Variants in OR2A5 observed in about 807,000 individuals in gnomAD.
The protein encoded by OR2A5 is olfactory receptor family 2 subfamily A member 5, also known as olfactory receptor 2A5.
Under a neutral mutation model 1.9 loss-of-function variants are expected in OR2A5, and 2 were observed. That is an observed-to-expected ratio of 1.04 (90% confidence interval 0.43 to 3.28). The LOEUF (loss-of-function observed/expected upper bound fraction) is 3.28. Among genes scored for constraint, OR2A5 ranks in the 30% most tolerant of loss-of-function variants. The pLI is 0.08. For synonymous variants in OR2A5, 160 were observed against 154.5 expected, an observed-to-expected ratio of 1.04 and a Z score of -0.26; for missense variants, 391 against 375.9, an observed-to-expected ratio of 1.04 and a Z score of -0.33.
rs1052172010 is a variant in OR2A5 at position 144,052,722 on chromosome 7, T to G, written c.*1385T>G. Reference sequence around the variant, plus strand: ...TCTGGTGATGGTCTTTGTTTTCATATCTCCATACTGTGAGGACATTTTTTG... The same window carrying G: ...TCTGGTGATGGTCTTTGTTTTCATAGCTCCATACTGTGAGGACATTTTTTG... On this transcript the variant is annotated 3_prime_UTR_variant, in exon 2 of 2. Coordinates refer to ENST00000641693, the MANE Select transcript of OR2A5 (RefSeq NM_012365.2). 3 of 152,090 alleles carry G rather than the reference T, an allele frequency of 2.0e-5. No homozygotes were observed. Among genetic ancestry groups the G allele is most frequent in the African/African-American group, 7.2e-5 (3 of 41,420 alleles). The allele number at this position is 152,090 out of a possible 1,614,324, so 9.4% of individuals were successfully genotyped here. A position where few individuals can be genotyped will look rare whatever the true frequency, so the allele number is the denominator to read the frequency against.
In OR2A5 at chr7:144,052,950, T is replaced by G. The variant is rs1390094072; in HGVS notation, c.*1613T>G. On this transcript the variant is annotated 3_prime_UTR_variant, in exon 2 of 2. Coordinates refer to ENST00000641693, the MANE Select transcript of OR2A5 (RefSeq NM_012365.2). The stretch of plus-strand genomic sequence containing the variant: ...ATCTGAAAAAAATTATTACATTCCC[T>G]AAAATATGTATACTTCATGTTCTGC... The G allele has an allele frequency of 1.3e-5, 2 of 152,150 alleles. No homozygotes were observed. The highest frequency in any genetic ancestry group is 2.9e-5 in the Non-Finnish European group (2 of 68,014). The allele number at this position is 152,150 out of a possible 1,614,324, so 9.4% of individuals were successfully genotyped here. A position where few individuals can be genotyped will look rare whatever the true frequency, so the allele number is the denominator to read the frequency against.
rs559943780 is a variant in OR2A5, at chr7:144,051,881, T to C, written c.*544T>C. 6.5e-6 allele frequency: 1 copy of C among 152,690 alleles called. No individual in the cohort carries two copies. Among genetic ancestry groups the C allele is most frequent in the South Asian group, 2.1e-4 (1 of 4,834 alleles). 9.5% of individuals were successfully genotyped at this position (152,690 alleles called of 1,614,324 possible). On this transcript the variant is annotated 3_prime_UTR_variant, in exon 2 of 2. Coordinates refer to ENST00000641693, the MANE Select transcript of OR2A5 (RefSeq NM_012365.2). ...AATCACCCTAACAAATCTAATTCTG[T>C]AAAAAGCAAAGTTTAATTGTATAGA...
In OR2A5 at chr7:144,050,454, T is replaced by A; in HGVS notation, c.53T>A (p.Leu18His). Residue 18 changes from leucine (L) to histidine (H), a missense_variant, in exon 2 of 2, where the codon CTC becomes CAC. By Grantham distance (99) the Leu-to-His change is moderately conservative. Coordinates refer to ENST00000641693, the MANE Select transcript of OR2A5 (RefSeq NM_012365.2). ...GAATTCATTCTCCTGGGATTTCCACTCAGCCTAAGGATTCAGATGCTCCTC... is the reference window on the plus strand; with the variant it reads ...GAATTCATTCTCCTGGGATTTCCACACAGCCTAAGGATTCAGATGCTCCTC... ...VTEFILLGFP[L>H]SLRIQMLLSG... 6.4e-7 allele frequency: 1 copy of A among 1,552,724 alleles called. No individual in the cohort carries two copies. Among genetic ancestry groups the A allele is most frequent in the Non-Finnish European group, 8.7e-7 (1 of 1,155,854 alleles).
Position 144,051,166 on chromosome 7 carries a change from C to A in OR2A5, c.765C>A (p.Ala255=). ...TGGTGGGACTCTTCTTTGGCAGCGCCATTGTCATGTACATGGCCCCCAAGT... is the reference window on the plus strand; with the variant it reads ...TGGTGGGACTCTTCTTTGGCAGCGCAATTGTCATGTACATGGCCCCCAAGT... ...LCMVGLFFGS[A]IVMYMAPKSR... is the part of the protein sequence containing the mutation. The change falls in exon 2 of 2, where the codon GCC becomes GCA. Residue 255 remains alanine (A), a synonymous_variant. Coordinates refer to ENST00000641693, the MANE Select transcript of OR2A5 (RefSeq NM_012365.2). The A allele has an allele frequency of 3.1e-6, 5 of 1,614,218 alleles. No homozygotes were observed. Among genetic ancestry groups the A allele is most frequent in the Non-Finnish European group, 4.2e-6 (5 of 1,180,042 alleles).
rs2951367 is a variant in OR2A5 at position 144,056,255 on chromosome 7, G to A, written c.*4918G>A. The A allele has an allele frequency of 0.63, 95,514 of 152,260 alleles. 31,185 individuals carry two copies. Among genetic ancestry groups the A allele is most frequent in the African/African-American group, 0.81 (33,568 of 41,528 alleles). The allele number at this position is 152,260 out of a possible 1,614,324, so 9.4% of individuals were successfully genotyped here. A position where few individuals can be genotyped will look rare whatever the true frequency, so the allele number is the denominator to read the frequency against. ...TGAAGACCAAAAAATGTACTGTGCT[G>A]TACTGCTTCCCTATGTAGCTAGCTG... On this transcript the variant is annotated 3_prime_UTR_variant, in exon 2 of 2. Transcript: ENST00000641693.
At chr7:144,049,343 G>A (rs904730833) in intron 1 of OR2A5, among the ~76,000 whole-genome samples, 1 of 152,216 alleles carries the variant, frequency 6.6e-6, no homozygotes, top group African/African-American at 2.4e-5. Context: ...TAACATTTGT[G>A]TACTTCTATG....
In OR2A5 at chr7:144,050,427, C is replaced by T; in HGVS notation, c.26C>T (p.Thr9Ile). The T allele has an allele frequency of 1.3e-6, 2 of 1,541,194 alleles. No homozygotes were observed. The highest frequency in any genetic ancestry group is 2.1e-5 in the Admixed American group (1 of 46,858). The change falls in exon 2 of 2, where the codon ACA (threonine) becomes ATA (isoleucine). Residue 9 changes from threonine to isoleucine, a missense_variant. Physicochemically the swap from Thr to Ile is moderately conservative, Grantham distance 89. Coordinates refer to ENST00000641693, the MANE Select transcript of OR2A5 (RefSeq NM_012365.2). ...ATGACAAAAAATCAGACATGGGTCA[C>T]AGAATTCATTCTCCTGGGATTTCCA... is the stretch of plus-strand genomic sequence containing the variant. Reference protein sequence around the residue: MTKNQTWVTEFILLGFPLS... With the variant: MTKNQTWVIEFILLGFPLS...
In OR2A5 at chr7:144,051,060, G is replaced by T. The variant is rs749106253; in HGVS notation, c.659G>T (p.Arg220Leu). ...PLCLVLVSYS[R>L]ILAAILRIQS... ...TGCCTGGTGCTGGTCTCCTACTCGC[G>T]CATCCTGGCGGCCATCTTGAGGATC... The change falls in exon 2 of 2, where the codon CGC (arginine) becomes CTC (leucine). Residue 220 changes from arginine (R) to leucine (L), a missense_variant. Transcript: ENST00000641693. 3 of 1,614,118 alleles carry T rather than the reference G, an allele frequency of 1.9e-6. No individual in the cohort carries two copies. Among genetic ancestry groups the T allele is most frequent in the South Asian group, 2.2e-5 (2 of 91,078 alleles).
At position 144,052,200 on chromosome 7, in the gene OR2A5, C is replaced by A. The variant is rs2050911978; in HGVS notation, c.*863C>A. ...AACATCATAGACCACCGCTTAGAAC[C>A]AAGAACATGTCAAGTCTTGATAAAG... is the stretch of plus-strand genomic sequence containing the variant. On this transcript the variant is annotated 3_prime_UTR_variant, in exon 2 of 2. Transcript: ENST00000641693. 1 of 152,208 alleles carries A rather than the reference C, an allele frequency of 6.6e-6. No individual in the cohort carries two copies. The highest frequency in any genetic ancestry group is 1.9e-4 in the East Asian group (1 of 5,176). 9.4% of individuals were successfully genotyped at this position (152,208 alleles called of 1,614,324 possible).
rs1223891278 is a variant in OR2A5 at position 144,050,379 on chromosome 7, A to G, written c.-23A>G. On this transcript the variant is annotated 5_prime_UTR_variant, in exon 2 of 2. Coordinates refer to ENST00000641693, the MANE Select transcript of OR2A5 (RefSeq NM_012365.2). ...ATAGCTCATTGCCACAGCAGAGTCC[A>G]ACGCAGGTACTGTCACAAGGGCATG... is the stretch of plus-strand genomic sequence containing the variant. The G allele has an allele frequency of 6.8e-7, 1 of 1,472,100 alleles. No homozygotes were observed. The highest frequency in any genetic ancestry group is 1.3e-5 in the South Asian group (1 of 74,262). 91.2% of individuals were successfully genotyped at this position (1,472,100 alleles called of 1,614,324 possible). A position where few individuals can be genotyped will look rare whatever the true frequency, so the allele number is the denominator to read the frequency against.
In OR2A5 at chr7:144,051,588, G is replaced by A. The variant is rs994396775; in HGVS notation, c.*251G>A. 2 of 427,178 alleles carry A rather than the reference G, an allele frequency of 4.7e-6. No homozygotes were observed. The highest frequency in any genetic ancestry group is 9.0e-5 in the South Asian group (2 of 22,166). The allele number at this position is 427,178 out of a possible 1,614,324, so 26.5% of individuals were successfully genotyped here. A position where few individuals can be genotyped will look rare whatever the true frequency, so the allele number is the denominator to read the frequency against. On this transcript the variant is annotated 3_prime_UTR_variant, in exon 2 of 2. Coordinates refer to ENST00000641693, the MANE Select transcript of OR2A5 (RefSeq NM_012365.2). ...ACTCCCAGGTCCCACCCCTACCCAG[G>A]ATCTGCTTTCTGTTCTTTTGAGGCT... is the stretch of plus-strand genomic sequence containing the variant.
At position 144,054,902 on chromosome 7, in the gene OR2A5, C is replaced by T. The variant is rs1483259708; in HGVS notation, c.*3565C>T. 1 of 152,146 alleles carries T rather than the reference C, an allele frequency of 6.6e-6. No homozygotes were observed. The highest frequency in any genetic ancestry group is 1.9e-4 in the East Asian group (1 of 5,196). 9.4% of individuals were successfully genotyped at this position (152,146 alleles called of 1,614,324 possible). A position where few individuals can be genotyped will look rare whatever the true frequency, so the allele number is the denominator to read the frequency against. On this transcript the variant is annotated 3_prime_UTR_variant, in exon 2 of 2. Coordinates refer to ENST00000641693, the MANE Select transcript of OR2A5 (RefSeq NM_012365.2). Reference sequence around the variant, plus strand: ...CAGTCTCTGTATGTAGAGATAGAAACTCACCCTGGTGACACCTTGTTAGTT... The same window carrying T: ...CAGTCTCTGTATGTAGAGATAGAAATTCACCCTGGTGACACCTTGTTAGTT...
At position 144,053,787 on chromosome 7, in the gene OR2A5, A is replaced by G. The variant is rs981856808; in HGVS notation, c.*2450A>G. On this transcript the variant is annotated 3_prime_UTR_variant, in exon 2 of 2. Coordinates refer to ENST00000641693, the MANE Select transcript of OR2A5 (RefSeq NM_012365.2). ...CCAGAAAGAATACATCCTGTAGCCA[A>G]CCCATCTTTGGAGGATTCATTACCA... The G allele has an allele frequency of 3.9e-5, 6 of 152,254 alleles. No individual in the cohort carries two copies. The highest frequency in any genetic ancestry group is 3.9e-4 in the Admixed American group (6 of 15,288). 9.4% of individuals were successfully genotyped at this position (152,254 alleles called of 1,614,324 possible). A position where few individuals can be genotyped will look rare whatever the true frequency, so the allele number is the denominator to read the frequency against.
At position 144,058,138 on chromosome 7, in the gene OR2A5, A is replaced by T. The variant is rs1264971781; in HGVS notation, c.*6801A>T. ...CAGATACAAGGCTGTTGTCCTAGTGATTACAGCCACATGAGTCACTGGTCA... is the reference window on the plus strand; with the variant it reads ...CAGATACAAGGCTGTTGTCCTAGTGTTTACAGCCACATGAGTCACTGGTCA... On this transcript the variant is annotated 3_prime_UTR_variant, in exon 2 of 2. Coordinates refer to ENST00000641693, the MANE Select transcript of OR2A5 (RefSeq NM_012365.2). 2 of 152,210 alleles carry T rather than the reference A, an allele frequency of 1.3e-5. No homozygotes were observed. The highest frequency in any genetic ancestry group is 2.4e-5 in the African/African-American group (1 of 41,448). The allele number at this position is 152,210 out of a possible 1,614,324, so 9.4% of individuals were successfully genotyped here. A position where few individuals can be genotyped will look rare whatever the true frequency, so the allele number is the denominator to read the frequency against.
Position 144,050,616 on chromosome 7 carries a change from A to C in OR2A5, c.215A>C (p.Tyr72Ser). 2 of 1,612,972 alleles carry C rather than the reference A, an allele frequency of 1.2e-6. No individual in the cohort carries two copies. The highest frequency in any genetic ancestry group is 3.3e-5 in the Admixed American group (2 of 59,988). The change falls in exon 2 of 2, where the codon TAT becomes TCT. Residue 72 changes from tyrosine (Y) to serine (S), a missense_variant. Transcript: ENST00000641693. ...CACCTGGCCATCATTGATATTTCGT[A>C]TGCTTCCAACAATGTCCCCAAGATG... ...LSHLAIIDISYASNNVPKMLT... is the reference protein window; with the variant it reads ...LSHLAIIDISSASNNVPKMLT...
chr7:144,053,639 T>A lies in OR2A5; in HGVS notation c.*2302T>A, dbSNP rs2128797584. On this transcript the variant is annotated 3_prime_UTR_variant, in exon 2 of 2. Transcript: ENST00000641693. The stretch of plus-strand genomic sequence containing the variant: ...CTGATTGCAAACCCAAGCTGCTTCT[T>A]AGCAGCTTTCTGCCCAAAACATTAC... 6.6e-6 allele frequency: 1 copy of A among 152,340 alleles called. No homozygotes were observed. Among genetic ancestry groups the A allele is most frequent in the African/African-American group, 2.4e-5 (1 of 41,588 alleles). 9.4% of individuals were successfully genotyped at this position (152,340 alleles called of 1,614,324 possible).
Position 144,051,506 on chromosome 7 carries a change from T to C in OR2A5, c.*169T>C, listed in dbSNP as rs1160360906. On this transcript the variant is annotated 3_prime_UTR_variant, in exon 2 of 2. Transcript: ENST00000641693. Reference sequence around the variant, plus strand: ...AGTACCATGCAGATCACAAAGCACATGCAGACAGGCGCTGAGCCGTGTGGT... The same window carrying C: ...AGTACCATGCAGATCACAAAGCACACGCAGACAGGCGCTGAGCCGTGTGGT... 3.1e-6 allele frequency: 2 copies of C among 637,100 alleles called. No individual in the cohort carries two copies. Among genetic ancestry groups the C allele is most frequent in the Non-Finnish European group, 2.7e-6 (1 of 374,424 alleles). 39.5% of individuals were successfully genotyped at this position (637,100 alleles called of 1,614,324 possible). A position where few individuals can be genotyped will look rare whatever the true frequency, so the allele number is the denominator to read the frequency against.
chr7:144,050,552 G>T lies in OR2A5; in HGVS notation c.151G>T (p.Asp51Tyr). 6.2e-7 allele frequency: 1 copy of T among 1,609,780 alleles called. No individual in the cohort carries two copies. Among genetic ancestry groups the T allele is most frequent in the Non-Finnish European group, 8.5e-7 (1 of 1,177,748 alleles). ...GGCCATCCTGGGGCTCATCTGGCTG[G>T]ACTCCAGACTGCACACCCCCATGTA... ...NGAILGLIWLDSRLHTPMYFF... is the reference protein window; with the variant it reads ...NGAILGLIWLYSRLHTPMYFF... Residue 51 changes from aspartate (D) to tyrosine (Y), a missense_variant, in exon 2 of 2, where the codon GAC (aspartate) becomes TAC (tyrosine). Coordinates refer to ENST00000641693, the MANE Select transcript of OR2A5 (RefSeq NM_012365.2).
Position 144,056,815 on chromosome 7 carries a change from T to TTG in OR2A5, c.*5479_*5480insGT, listed in dbSNP as rs1391424606. On this transcript the variant is annotated 3_prime_UTR_variant, in exon 2 of 2. Transcript: ENST00000641693. ...CCTGAAATAAGGACTAACTCTTGTT[T>TTG]TTTTTTTTTTTTTTTTTGAGACGGA... 7.0e-6 allele frequency: 1 copy of TTG among 143,382 alleles called. No homozygotes were observed. Among genetic ancestry groups the TTG allele is most frequent in the African/African-American group, 2.6e-5 (1 of 37,878 alleles). The allele number at this position is 143,382 out of a possible 1,614,324, so 8.9% of individuals were successfully genotyped here. A position where few individuals can be genotyped will look rare whatever the true frequency, so the allele number is the denominator to read the frequency against.
Sources: gnomAD v4.1 joint callset for allele counts (sites outside exome capture counted in the v4.1 genomes callset) on GRCh38, gnomAD v4.1.1 for gene constraint, MANE v1.5 for transcripts, NCBI Gene and HGNC (gene_info 2026-07-23, HGNC 2026-07-21) for gene names.